The following FAAH2 variants were observed in gnomAD, a reference collection of about 807,000 sequenced individuals.
FAAH2 encodes fatty-acid amide hydrolase 2.
In FAAH2, 60 loss-of-function variants were observed where a neutral mutation model predicts 36.9. The observed-to-expected ratio is 1.63, with a 90% CI of 1.32 to 2.02. The LOEUF is 2.02. FAAH2 is among the 30% of genes most tolerant of loss of function. The probability of loss-of-function intolerance (pLI) is 0.00; values close to 1 mark genes in which losing one functional copy is unlikely to be tolerated. For missense variants in FAAH2, 689 were observed against 397.5 expected, an observed-to-expected ratio of 1.73 and a Z score of -6.23; for synonymous variants, 214 against 143.8, an observed-to-expected ratio of 1.49 and a Z score of -3.49.
chrX:57,201,967 C>A, the FAAH2 span, among the ~76,000 whole-genome samples: 1 of 111,704 alleles, frequency 9.0e-6, no homozygotes. Context: ...TTTTTCACCT[C>A]CAGAATTTCT....
the FAAH2 span, among the ~76,000 whole-genome samples, chrX:57,238,642 A>T: frequency 8.9e-6 from 1 of 111,858 alleles, no homozygotes; most frequent in Non-Finnish European, 1.9e-5. Flanking sequence ...AAAGTTAAAA[A>T]AACTTCCTTT....
the FAAH2 span, among the ~76,000 whole-genome samples, chrX:57,262,156 C>T: frequency 3.6e-5 from 4 of 110,802 alleles, no homozygotes; most frequent in Non-Finnish European, 7.6e-5. Flanking sequence ...AAAAAGACTC[C>T]TAAAGGTGAA....
At chrX:57,336,964 T>A (rs186466762) in intron 4 of FAAH2, among the ~76,000 whole-genome samples, 1 of 2,110 alleles carries the variant, frequency 4.7e-4, no homozygotes. Flanking sequence ...GGAGCTATTC[T>A]TTTGAAAAAA....
the FAAH2 span, among the ~76,000 whole-genome samples, chrX:57,144,507 T>C: frequency 9.1e-6 from 1 of 110,185 alleles, no homozygotes; most frequent in Non-Finnish European, 1.9e-5. Context: ...TTCATTCTTT[T>C]TTATTTTTTA....
chrX:57,478,296 A>G (rs761987079), intron 10 of FAAH2, among the ~76,000 whole-genome samples: 22 of 111,559 alleles, frequency 2.0e-4, no homozygotes, highest in Non-Finnish European at 9.4e-5. Flanking sequence ...TCTTTTGAGA[A>G]GTGTCTGTTC....
At position 57,317,105 on chromosome X, in the gene FAAH2, G is replaced by A. The variant is rs750791604; in HGVS notation, c.412+6376G>A. 2.7e-5 allele frequency among the ~76,000 whole-genome samples: 3 copies of A among 111,824 alleles called. No individual in the cohort carries two copies. In the East Asian group the frequency reaches 8.4e-4, roughly 31 times the overall value. ...CATGATCAGACATCACTCAAAAGAA[G>A]ACAGACAAGTGGCCAACAAATATTT... On this transcript the variant is annotated intron_variant, in intron 3 of 10. Coordinates refer to ENST00000374900, the MANE Select transcript of FAAH2 (RefSeq NM_174912.4).
At chrX:57,340,679 A>G (rs1344578749) in intron 4 of FAAH2, among the ~76,000 whole-genome samples, 2 of 111,785 alleles carry the variant, frequency 1.8e-5, no homozygotes, top group Non-Finnish European at 3.8e-5. Context: ...TTCTCAGTAA[A>G]CGAATGCAGG....
chrX:57,226,349 G>A, the FAAH2 span, among the ~76,000 whole-genome samples: 3 of 111,878 alleles, frequency 2.7e-5, no homozygotes, highest in Non-Finnish European at 5.6e-5. Flanking sequence ...GCTTTGTAAT[G>A]GTGAATTCTC....
intron 3 of FAAH2, among the ~76,000 whole-genome samples, chrX:57,317,437 TAAAGGGA>T (rs1602252083): frequency 8.9e-6 from 1 of 112,176 alleles, no homozygotes; most frequent in African/African-American, 3.2e-5. Flanking sequence ...TACATAATCA[TAAAGGGA>T]CTTTGTACCA....
At chrX:57,472,946 G>A (rs1325560650) in intron 10 of FAAH2, among the ~76,000 whole-genome samples, 1 of 109,631 alleles carries the variant, frequency 9.1e-6, no homozygotes, top group Non-Finnish European at 1.9e-5. Flanking sequence ...TCCTGCTAGG[G>A]GTCTGTCAAG....
At chrX:57,151,097 C>G in the FAAH2 span, among the ~76,000 whole-genome samples, 15 of 112,601 alleles carry the variant, frequency 1.3e-4, no homozygotes, top group East Asian at 3.6e-3. Context: ...CCCCCACTCT[C>G]TTCTGGCTTG....
chrX:57,433,121 A>T (rs768586000), intron 8 of FAAH2, among the ~76,000 whole-genome samples: 9 of 111,783 alleles, frequency 8.1e-5, no homozygotes, highest in African/African-American at 2.6e-4. Flanking sequence ...AGAACTTTAG[A>T]TCAAAACTAA....
intron 7 of FAAH2, among the ~76,000 whole-genome samples, chrX:57,416,505 T>A (rs774124768): frequency 1.8e-5 from 2 of 112,076 alleles, no homozygotes; most frequent in Non-Finnish European, 3.8e-5. Context: ...TTTAGCTGGA[T>A]GTGAAATTCT....
At chrX:57,233,591 G>A in the FAAH2 span, among the ~76,000 whole-genome samples, 1 of 111,630 alleles carries the variant, frequency 9.0e-6, no homozygotes, top group Non-Finnish European at 1.9e-5. Context: ...TCATAACATT[G>A]GATGGAGTCC....
chrX:57,437,493 A>G (rs1336674765), intron 8 of FAAH2, among the ~76,000 whole-genome samples: 3 of 109,832 alleles, frequency 2.7e-5, no homozygotes, highest in South Asian at 3.7e-4. Context: ...AAAGACTCCA[A>G]AAAGAATCCC....
At chrX:57,151,553 G>A in the FAAH2 span, among the ~76,000 whole-genome samples, 4 of 111,261 alleles carry the variant, frequency 3.6e-5, no homozygotes, top group African/African-American at 9.8e-5. Context: ...TGATCGCATC[G>A]GCTCCTGAGT....
At position 57,333,464 on chromosome X, in the gene FAAH2, T is replaced by A. The variant is rs180947968; in HGVS notation, c.622+1657T>A. On this transcript the variant is annotated intron_variant, in intron 4 of 10. Coordinates refer to ENST00000374900, the MANE Select transcript of FAAH2 (RefSeq NM_174912.4). ...CAATATGGAAGAGATATTGAAATTATCAGACTGAGAATTGAAACCATTTGT... is the reference window on the plus strand; with the variant it reads ...CAATATGGAAGAGATATTGAAATTAACAGACTGAGAATTGAAACCATTTGT... 2.2e-3 allele frequency among the ~76,000 whole-genome samples: 250 copies of A among 112,027 alleles called. 1 individual carries two copies. The highest frequency in any genetic ancestry group is 7.8e-3 in the African/African-American group (241 of 30,914).
At chrX:57,405,008 G>T (rs1196373433) in intron 7 of FAAH2, among the ~76,000 whole-genome samples, 2 of 111,891 alleles carry the variant, frequency 1.8e-5, no homozygotes, top group South Asian at 7.5e-4. Context: ...AAGGGTTGGG[G>T]GTTGTTAGAA....
the FAAH2 span, among the ~76,000 whole-genome samples, chrX:57,178,733 A>G: frequency 1.8e-5 from 2 of 112,131 alleles, no homozygotes; most frequent in Non-Finnish European, 3.8e-5. Flanking sequence ...AGCAGAGAGT[A>G]GCAGGTGGCT....
Sources: gnomAD v4.1 joint callset for allele counts (sites outside exome capture counted in the v4.1 genomes callset) on GRCh38, gnomAD v4.1.1 for gene constraint, MANE v1.5 for transcripts, NCBI Gene and HGNC (gene_info 2026-07-23, HGNC 2026-07-21) for gene names.